CSGALNACT1: variants seen among roughly 807,000 people sequenced by gnomAD.
The protein encoded by CSGALNACT1 is chondroitin sulfate N-acetylgalactosaminyltransferase 1, also known as beta4GalNAcT-1.
In CSGALNACT1, 52 loss-of-function variants were observed where a neutral mutation model predicts 51.0. The ratio of observed to expected loss-of-function variants is 1.02; its 90% CI spans 0.82 to 1.29. CSGALNACT1 has a LOEUF of 1.29. CSGALNACT1 is among the 50% of genes most tolerant of loss of function. CSGALNACT1 has a pLI of 0.00. For synonymous variants in CSGALNACT1, 341 were observed against 254.4 expected (o/e 1.34, Z -3.24); for missense variants, 935 against 679.2 (o/e 1.38, Z -4.19).
intron 1 of CSGALNACT1, among the ~76,000 whole-genome samples, chr8:19,608,721 C>A (rs531387999): frequency 7.9e-5 from 12 of 152,228 alleles, no homozygotes; most frequent in Non-Finnish European, 1.5e-4. Context: ...TAAATTCTAC[C>A]CTGTACTCTG....
chr8:19,652,862 C>T (rs1291511366), intron 1 of CSGALNACT1, among the ~76,000 whole-genome samples: 3 of 152,190 alleles, frequency 2.0e-5, no homozygotes, highest in Non-Finnish European at 4.4e-5. Context: ...TCCCTCTCAT[C>T]CTCGGTTTAC....
chr8:19,511,824 C>T lies in CSGALNACT1; in HGVS notation c.-296-5694G>A, dbSNP rs150551237. Among the ~76,000 whole-genome samples, 521 of 152,282 alleles carry T rather than the reference C, an allele frequency of 3.4e-3. 3 individuals carry two copies. Among genetic ancestry groups the T allele is most frequent in the African/African-American group, 0.012 (499 of 41,550 alleles). On this transcript the variant is annotated intron_variant, in intron 3 of 9. Transcript: ENST00000454498. ...GTACAGGAGGCATGGCTGGGGAGGC[C>T]TCAGGAAACTTACAATCATGGTGGA...
chr8:19,494,205 A>G (rs1267922735), intron 4 of CSGALNACT1, among the ~76,000 whole-genome samples: 5 of 152,170 alleles, frequency 3.3e-5, no homozygotes, highest in African/African-American at 1.2e-4. Context: ...ATGCGCCAGC[A>G]CTAACTGGTT....
At chr8:19,426,540 C>G (rs1420854281) in intron 6 of CSGALNACT1, among the ~76,000 whole-genome samples, 1 of 152,198 alleles carries the variant, frequency 6.6e-6, no homozygotes, top group Non-Finnish European at 1.5e-5. Flanking sequence ...TATTACATAA[C>G]TTCCTGTTAT....
chr8:19,432,453 T>A (rs2059778395), intron 6 of CSGALNACT1, among the ~76,000 whole-genome samples: 1 of 152,188 alleles, frequency 6.6e-6, no homozygotes, highest in Non-Finnish European at 1.5e-5. Context: ...TTATTAGATA[T>A]GTAGATTAAT....
chr8:19,721,482 G>C (rs536646406), intron 1 of CSGALNACT1, among the ~76,000 whole-genome samples: 18 of 152,262 alleles, frequency 1.2e-4, no homozygotes, highest in African/African-American at 3.9e-4. Context: ...ATGTATCAGG[G>C]GGAGATAAGA....
intron 1 of CSGALNACT1, among the ~76,000 whole-genome samples, chr8:19,725,424 TC>T (rs71545566): frequency 4.6e-5 from 7 of 151,064 alleles, no homozygotes; most frequent in Non-Finnish European, 8.9e-5. Flanking sequence ...TTTTCTTTTT[TC>T]TTTTTTTTTT....
intron 4 of CSGALNACT1, among the ~76,000 whole-genome samples, chr8:19,500,970 C>T (rs1431448423): frequency 6.6e-6 from 1 of 152,160 alleles, no homozygotes; most frequent in Non-Finnish European, 1.5e-5. Flanking sequence ...AGGGCAGAGG[C>T]CGGGCACGGT....
intron 5 of CSGALNACT1, among the ~76,000 whole-genome samples, chr8:19,454,893 T>G (rs1266988620): frequency 2.6e-5 from 4 of 152,256 alleles, no homozygotes; most frequent in Non-Finnish European, 2.9e-5. Context: ...AAGACACATT[T>G]TCTTAAAGTT....
intron 1 of CSGALNACT1, among the ~76,000 whole-genome samples, chr8:19,624,441 G>A (rs1023249652): frequency 6.6e-6 from 1 of 151,974 alleles, no homozygotes; most frequent in Non-Finnish European, 1.5e-5. Flanking sequence ...ATAGAACAAA[G>A]ATAATATTCA....
intron 6 of CSGALNACT1, among the ~76,000 whole-genome samples, chr8:19,427,993 G>A (rs1045269769): frequency 6.6e-6 from 1 of 151,976 alleles, no homozygotes; most frequent in Admixed American, 6.6e-5. Context: ...AAAGAACCTG[G>A]GCAGAGGCTC....
At position 19,492,700 on chromosome 8, in the gene CSGALNACT1, G is replaced by A. The variant is rs986655805; in HGVS notation, c.634+12501C>T. On this transcript the variant is annotated intron_variant, in intron 4 of 9. Coordinates refer to ENST00000454498, the Ensembl canonical transcript of CSGALNACT1. The stretch of plus-strand genomic sequence containing the variant: ...TCTTGCTGGTCCACGCCACTGGCCC[G>A]TAGCCACCAGCCTAGCAATGGCATA... Among the ~76,000 whole-genome samples the A allele has an allele frequency of 9.8e-5, 15 of 152,298 alleles. No homozygotes were observed. In the East Asian group the frequency reaches 1.7e-3, roughly 18 times the overall value.
rs1481077158 is a variant in CSGALNACT1, at chr8:19,417,722, C to A, written c.1227+934G>T. ...AGACGTCCCTCAGATGGGAAGGCCACCATGAGATACAGCCTGGGCCAGAAC... is the reference window on the plus strand; with the variant it reads ...AGACGTCCCTCAGATGGGAAGGCCAACATGAGATACAGCCTGGGCCAGAAC... On this transcript the variant is annotated intron_variant, in intron 8 of 9. Coordinates refer to ENST00000454498, the Ensembl canonical transcript of CSGALNACT1. 2.0e-5 allele frequency among the ~76,000 whole-genome samples: 3 copies of A among 152,308 alleles called. No individual in the cohort carries two copies. In the South Asian group the frequency reaches 6.2e-4, roughly 32 times the overall value.
intron 4 of CSGALNACT1, among the ~76,000 whole-genome samples, chr8:19,501,516 C>T (rs758600089): frequency 9.2e-5 from 14 of 152,178 alleles, no homozygotes; most frequent in Non-Finnish European, 1.9e-4. Context: ...AAGCCTTTTG[C>T]ATCTGACCCA....
At position 19,438,831 on chromosome 8, in the gene CSGALNACT1, T is replaced by C. The variant is rs573989974; in HGVS notation, c.953+999A>G. 2.0e-5 allele frequency among the ~76,000 whole-genome samples: 3 copies of C among 152,344 alleles called. No homozygotes were observed. In the South Asian group the frequency reaches 6.2e-4, roughly 32 times the overall value. On this transcript the variant is annotated intron_variant, in intron 6 of 9. Transcript: ENST00000454498. The stretch of plus-strand genomic sequence containing the variant: ...AATAATTATAACTAGCATTCAGATC[T>C]TGGGCCCATTAATACAAAACTAGTA...
chr8:19,516,700 C>T (rs1032759584), intron 3 of CSGALNACT1, among the ~76,000 whole-genome samples: 1 of 152,210 alleles, frequency 6.6e-6, no homozygotes, highest in Non-Finnish European at 1.5e-5. Context: ...TTCCACCAGA[C>T]CCTCCAGCCG....
rs568579161 is a variant in CSGALNACT1 at position 19,509,106 on chromosome 8, C to A, written c.-296-2976G>T. On this transcript the variant is annotated intron_variant, in intron 3 of 9. Coordinates refer to ENST00000454498, the Ensembl canonical transcript of CSGALNACT1. ...AATTTTTCCTTTGAAACGTCAGAAG[C>A]AGATAACGTGTGTCGGAAACAAAAT... Among the ~76,000 whole-genome samples, 4 of 152,290 alleles carry A rather than the reference C, an allele frequency of 2.6e-5. No individual in the cohort carries two copies. In the East Asian group the frequency reaches 7.7e-4, roughly 29 times the overall value.
intron 1 of CSGALNACT1, among the ~76,000 whole-genome samples, chr8:19,733,404 A>T (rs921356017): frequency 1.1e-4 from 16 of 152,228 alleles, no homozygotes; most frequent in African/African-American, 3.9e-4. Context: ...ATTATTGCCT[A>T]CTTCAAAAAC....
At chr8:19,661,461 C>A (rs1003836685) in intron 1 of CSGALNACT1, among the ~76,000 whole-genome samples, 1 of 152,222 alleles carries the variant, frequency 6.6e-6, no homozygotes. Context: ...TGTCTTCAAT[C>A]TAAGGAATGC....
Sources: allele counts gnomAD v4.1 joint callset (sites outside exome capture counted in the v4.1 genomes callset), GRCh38; gene constraint gnomAD v4.1.1; transcripts MANE v1.5; gene names NCBI Gene and HGNC (gene_info 2026-07-23, HGNC 2026-07-21).